The following NCKAP5 variants were observed in gnomAD, a reference collection of about 807,000 sequenced individuals.
NCKAP5 encodes the protein nck-associated protein 5.
A neutral mutation model predicts 167.0 loss-of-function variants in NCKAP5; 92 were observed. The ratio of observed to expected loss-of-function variants is 0.55; its 90% confidence interval spans 0.47 to 0.66. NCKAP5 has a LOEUF of 0.66. NCKAP5 is among the 30% of genes least tolerant of loss of function. The pLI, the probability that NCKAP5 is intolerant of heterozygous loss-of-function variation, is 0.00. For missense variants in NCKAP5, 2,378 were observed against 2,315.0 expected (o/e 1.03, Z -0.56); for synonymous variants, 891 against 877.4 (o/e 1.02, Z -0.27).
chr2:133,224,066 A>C (rs1467267532), intron 4 of NCKAP5, among the ~76,000 whole-genome samples: 2 of 152,210 alleles, frequency 1.3e-5, no homozygotes, highest in Non-Finnish European at 2.9e-5. Context: ...GAGCTCCTGG[A>C]AAATAAAACG....
intron 3 of NCKAP5, among the ~76,000 whole-genome samples, chr2:133,306,590 C>A (rs1680795689): frequency 6.6e-6 from 1 of 151,954 alleles, no homozygotes; most frequent in South Asian, 2.1e-4. Context: ...GGGTGAGCAG[C>A]CAAGATAATA....
intron 7 of NCKAP5, among the ~76,000 whole-genome samples, chr2:132,993,167 C>T (rs531412973): frequency 6.6e-6 from 1 of 152,292 alleles, no homozygotes; most frequent in East Asian, 1.9e-4. Flanking sequence ...CCTAGGGCTG[C>T]CCAGTGATGA....
At position 133,016,206 on chromosome 2, in the gene NCKAP5, C is replaced by T. The variant is rs1017221539; in HGVS notation, c.342-21967G>A. On this transcript the variant is annotated intron_variant, in intron 6 of 19. Coordinates refer to ENST00000409261, the MANE Select transcript of NCKAP5 (RefSeq NM_207363.3). ...ACCAAATAAAATCCGAGCTACTGTC[C>T]GGTGGCCAGATCAATGCCAATGACC... is the stretch of plus-strand genomic sequence containing the variant. 3.3e-5 allele frequency among the ~76,000 whole-genome samples: 5 copies of T among 152,292 alleles called. No homozygotes were observed. In the South Asian group the frequency reaches 6.2e-4, roughly 19 times the overall value.
intron 3 of NCKAP5, among the ~76,000 whole-genome samples, chr2:133,343,415 CAT>C (rs1369389294): frequency 1.3e-5 from 2 of 149,686 alleles, no homozygotes; most frequent in Non-Finnish European, 3.0e-5. Flanking sequence ...TGTATCTGCA[CAT>C]GTTTAAAAAA....
In NCKAP5 at chr2:132,783,997, G is replaced by C. The variant is rs1471570966; in HGVS notation, c.2814C>G (p.Ser938=). Residue 938 remains serine, a synonymous_variant, in exon 14 of 20, where the codon TCC becomes TCG. Transcript: ENST00000409261. The stretch of plus-strand genomic sequence containing the variant: ...AGTCATAGCTGGGCCTGGCCAGCAG[G>C]GAGACGGACCTGCCTGGAGGGGGCG... The part of the protein sequence containing the change: ...SPPPPPGRSV[S]LLARPSYDYS... The C allele has an allele frequency of 5.7e-6, 9 of 1,591,386 alleles. No individual in the cohort carries two copies. The highest frequency in any genetic ancestry group is 7.7e-6 in the Non-Finnish European group (9 of 1,170,984).
At chr2:133,322,360 C>G (rs903105022) in intron 3 of NCKAP5, among the ~76,000 whole-genome samples, 6 of 152,266 alleles carry the variant, frequency 3.9e-5, no homozygotes, top group Admixed American at 3.3e-4. Context: ...GATTGAGATC[C>G]AGAGGCAGGT....
At chr2:133,202,430 A>G (rs2085738623) in intron 5 of NCKAP5, among the ~76,000 whole-genome samples, 1 of 152,210 alleles carries the variant, frequency 6.6e-6, no homozygotes, top group Non-Finnish European at 1.5e-5. Context: ...AAACCATCAA[A>G]ACCCTAGAAG....
chr2:133,385,013 G>C lies in NCKAP5; in HGVS notation c.70-81903C>G, dbSNP rs371520859. Reference sequence around the variant, plus strand: ...GCAAACAGGGACAATTTGACTTCCTGTTTTCCTAATTGAATAGGCTTTATT... The same window carrying C: ...GCAAACAGGGACAATTTGACTTCCTCTTTTCCTAATTGAATAGGCTTTATT... On this transcript the variant is annotated intron_variant, in intron 3 of 19. Coordinates refer to ENST00000409261, the MANE Select transcript of NCKAP5 (RefSeq NM_207363.3). Among the ~76,000 whole-genome samples the C allele has an allele frequency of 4.0e-4, 61 of 152,224 alleles. 1 individual carries two copies. Among genetic ancestry groups the C allele is most frequent in the African/African-American group, 1.3e-3 (53 of 41,544 alleles).
In NCKAP5 at chr2:133,054,512, C is replaced by G. The variant is rs1253277478; in HGVS notation, c.342-60273G>C. ...GAGAAGAACATGCATTCCAAGGAAC[C>G]GTGTGAGCACTTGGTTTGCCTCTGA... On this transcript the variant is annotated intron_variant, in intron 6 of 19. Transcript: ENST00000409261. Among the ~76,000 whole-genome samples the G allele has an allele frequency of 9.2e-5, 14 of 152,092 alleles. No individual in the cohort carries two copies. The East Asian group carries it at 2.5e-3, about 27-fold the overall frequency.
intron 16 of NCKAP5, among the ~76,000 whole-genome samples, chr2:132,747,564 G>GTTTC (rs1679756076): frequency 9.0e-6 from 1 of 110,800 alleles, no homozygotes; most frequent in Non-Finnish European, 1.9e-5. Context: ...AGTAGGGTGG[G>GTTTC]GATCCCTGGT....
chr2:133,256,845 G>T (rs528833353), intron 4 of NCKAP5, among the ~76,000 whole-genome samples: 2 of 152,206 alleles, frequency 1.3e-5, no homozygotes, highest in Non-Finnish European at 2.9e-5. Flanking sequence ...CTCATCCTCT[G>T]TGTCTTCTCT....
At chr2:132,766,183 G>A (rs1681463637) in intron 16 of NCKAP5, among the ~76,000 whole-genome samples, 2 of 149,980 alleles carry the variant, frequency 1.3e-5, no homozygotes, top group Non-Finnish European at 2.9e-5. Context: ...GGGAGGCTGA[G>A]GCAGGAGAAT....
In NCKAP5 at chr2:132,784,394, C is replaced by T. The variant is rs1424904603; in HGVS notation, c.2417G>A (p.Arg806Lys). 1 of 1,613,500 alleles carries T rather than the reference C, an allele frequency of 6.2e-7. No individual in the cohort carries two copies. Among genetic ancestry groups the T allele is most frequent in the African/African-American group, 1.3e-5 (1 of 74,864 alleles). The change falls in exon 14 of 20, where the codon AGG becomes AAG. Residue 806 changes from arginine to lysine, a missense_variant. Arg to Lys is a conservative substitution (Grantham distance 26). Transcript: ENST00000409261. Reference protein sequence around the residue: ...QKQNLTKIPPRGKSSPQKSKL... With the variant: ...QKQNLTKIPPKGKSSPQKSKL... Reference sequence around the variant, plus strand: ...TGATTTCTGAGGTGAAGACTTGCCCCTGGGAGGTATTTTTGTCAGATTTTG... The same window carrying T: ...TGATTTCTGAGGTGAAGACTTGCCCTTGGGAGGTATTTTTGTCAGATTTTG...
At chr2:133,421,852 T>G (rs1689497600) in intron 3 of NCKAP5, among the ~76,000 whole-genome samples, 1 of 152,170 alleles carries the variant, frequency 6.6e-6, no homozygotes, top group Admixed American at 6.5e-5. Context: ...TCAAGTCACA[T>G]TACATCACCT....
rs114092488 is a variant in NCKAP5 at position 133,474,177 on chromosome 2, C to T, written c.69+43281G>A. On this transcript the variant is annotated intron_variant, in intron 3 of 19. Transcript: ENST00000409261. ...CTATACACACACACACACACACACA[C>T]GTACATACATATACACACACACAAT... Among the ~76,000 whole-genome samples, 667 of 151,344 alleles carry T rather than the reference C, an allele frequency of 4.4e-3. 5 individuals carry two copies. Among genetic ancestry groups the T allele is most frequent in the African/African-American group, 0.015 (627 of 40,996 alleles).
At chr2:132,726,186 T>C (rs1369649041) in intron 18 of NCKAP5, among the ~76,000 whole-genome samples, 1 of 152,232 alleles carries the variant, frequency 6.6e-6, no homozygotes, top group Admixed American at 6.5e-5. Context: ...CAGAAGGTAA[T>C]AAAACAATCA....
At chr2:132,842,765 C>T (rs1688383948) in intron 11 of NCKAP5, among the ~76,000 whole-genome samples, 1 of 151,878 alleles carries the variant, frequency 6.6e-6, no homozygotes, top group South Asian at 2.1e-4. Context: ...ATCTTGAACT[C>T]CTGGGATCAA....
intron 6 of NCKAP5, among the ~76,000 whole-genome samples, chr2:133,069,173 A>G (rs1398098672): frequency 6.6e-6 from 1 of 152,224 alleles, no homozygotes; most frequent in Non-Finnish European, 1.5e-5. Flanking sequence ...TCTTTCTTCC[A>G]GCCTAAATAG....
intron 2 of NCKAP5, among the ~76,000 whole-genome samples, chr2:133,539,946 C>T (rs545990103): frequency 5.3e-5 from 8 of 152,236 alleles, no homozygotes; most frequent in African/African-American, 1.9e-4. Flanking sequence ...TTTGGAAGGC[C>T]GAGGCAGGCA....
Sources: gnomAD v4.1 joint callset for allele counts (sites outside exome capture counted in the v4.1 genomes callset) on GRCh38, gnomAD v4.1.1 for gene constraint, MANE v1.5 for transcripts, NCBI Gene and HGNC (gene_info 2026-07-23, HGNC 2026-07-21) for gene names.